The following CERKL variants were observed in gnomAD, a reference collection of about 807,000 sequenced individuals.
CERKL encodes the protein CERK like autophagy regulator.
In CERKL, 61 loss-of-function variants were observed where a neutral mutation model predicts 63.4. That is an observed-to-expected ratio of 0.96 (90% confidence interval 0.78 to 1.19). CERKL has a LOEUF of 1.19. CERKL is among the 50% of genes most tolerant of loss of function. The pLI is 0.00. For synonymous variants in CERKL, 250 were observed against 230.5 expected (o/e 1.08, Z -0.77); for missense variants, 675 against 655.5 (o/e 1.03, Z -0.33).
Position 181,583,082 on chromosome 2 carries a change from G to A in CERKL, c.482-9198C>T, listed in dbSNP as rs141722943. On this transcript the variant is annotated intron_variant, in intron 2 of 12. Transcript: ENST00000410087. ...CATTTATCCTACCTTTTTAATATGC[G>A]CTATATTTCTGGGTAATCAAATAAC... Among the ~76,000 whole-genome samples the A allele has an allele frequency of 7.3e-3, 1,104 of 151,178 alleles. 14 individuals are homozygous for A. The highest frequency in any genetic ancestry group is 0.024 in the African/African-American group (1,005 of 41,090).
chr2:181,537,822 T>G lies in CERKL; in HGVS notation c.*362A>C, dbSNP rs1032417998. The G allele has an allele frequency of 2.3e-5, 11 of 478,422 alleles. No homozygotes were observed. The highest frequency in any genetic ancestry group is 1.8e-4 in the African/African-American group (9 of 51,144). The allele number at this position is 478,422 out of a possible 1,614,324, so 29.6% of individuals were successfully genotyped here. A position where few individuals can be genotyped will look rare whatever the true frequency, so the allele number is the denominator to read the frequency against. The stretch of plus-strand genomic sequence containing the variant: ...GACTTTTAAAGCCCTAGAGGCTAAT[T>G]GTTAGTAACATCAATTTCTATTAGG... On this transcript the variant is annotated 3_prime_UTR_variant, in exon 13 of 13. Coordinates refer to ENST00000410087, the MANE Select transcript of CERKL (RefSeq NM_201548.5).
intron 2 of CERKL, chr2:181,603,158 A>G (rs1187075282): frequency 8.0e-6 from 2 of 249,336 alleles, no homozygotes; most frequent in Non-Finnish European, 8.6e-6. Flanking sequence ...ACCAGAGTAT[A>G]AAGCATGGCC....
intron 5 of CERKL, among the ~76,000 whole-genome samples, chr2:181,552,549 C>T (rs548021186): frequency 6.6e-6 from 1 of 152,178 alleles, no homozygotes; most frequent in Non-Finnish European, 1.5e-5. Flanking sequence ...AACTGCAAGT[C>T]AATTAAACCT....
chr2:181,624,906 A>T (rs191175247), intron 1 of CERKL, among the ~76,000 whole-genome samples: 225 of 152,262 alleles, frequency 1.5e-3, no homozygotes, highest in African/African-American at 5.0e-3. Flanking sequence ...AGTTTATTAG[A>T]CCTCTAATAT....
chr2:181,621,699 T>A (rs1574507262), intron 1 of CERKL, among the ~76,000 whole-genome samples: 1 of 152,254 alleles, frequency 6.6e-6, no homozygotes, highest in Non-Finnish European at 1.5e-5. Context: ...ATGAGAAAAT[T>A]TTGGAGAAAA....
Position 181,537,788 on chromosome 2 carries a change from T to C in CERKL, c.*396A>G. 1 of 459,148 alleles carries C rather than the reference T, an allele frequency of 2.2e-6. No homozygotes were observed. Among genetic ancestry groups the C allele is most frequent in the South Asian group, 1.6e-5 (1 of 63,508 alleles). The allele number at this position is 459,148 out of a possible 1,614,324, so 28.4% of individuals were successfully genotyped here. ...TCTAAAAACAGAATTTGAATTGATATTTCATCTTGACTTTTAAAGCCCTAG... is the reference window on the plus strand; with the variant it reads ...TCTAAAAACAGAATTTGAATTGATACTTCATCTTGACTTTTAAAGCCCTAG... On this transcript the variant is annotated 3_prime_UTR_variant, in exon 13 of 13. Transcript: ENST00000410087.
chr2:181,581,342 G>C (rs1684501673), intron 2 of CERKL, among the ~76,000 whole-genome samples: 1 of 152,138 alleles, frequency 6.6e-6, no homozygotes, highest in Non-Finnish European at 1.5e-5. Context: ...TGAAGTAAAA[G>C]ACAACACTTC....
intron 12 of CERKL, 60 bp downstream of exon 12, chr2:181,539,032 G>A (rs139671261): frequency 4.0e-4 from 486 of 1,226,802 alleles, no homozygotes; most frequent in African/African-American, 3.1e-3. Flanking sequence ...GAGAGCTTTC[G>A]TTGTAATATT....
intron 1 of CERKL, among the ~76,000 whole-genome samples, chr2:181,616,557 A>C (rs1202424754): frequency 6.6e-6 from 1 of 152,174 alleles, no homozygotes; most frequent in African/African-American, 2.4e-5. Flanking sequence ...TAAAAATGCT[A>C]ATCTTTAATA....
At chr2:181,556,362 A>G (rs1313851479) in intron 5 of CERKL, among the ~76,000 whole-genome samples, 1 of 152,026 alleles carries the variant, frequency 6.6e-6, no homozygotes, top group South Asian at 2.1e-4. Flanking sequence ...CATTTACATT[A>G]GGTATTTCTC....
At chr2:181,616,299 C>T (rs966752950) in intron 1 of CERKL, among the ~76,000 whole-genome samples, 6 of 147,736 alleles carry the variant, frequency 4.1e-5, no homozygotes, top group African/African-American at 1.6e-4. Flanking sequence ...CTGCAAGCTC[C>T]GCCTCCCAGG....
intron 10 of CERKL, 79 bp downstream of exon 10, chr2:181,547,539 C>G (rs1432362212): frequency 1.8e-6 from 2 of 1,106,338 alleles, no homozygotes; most frequent in African/African-American, 3.1e-5. Flanking sequence ...TTCTAGCTAA[C>G]CAACAGTTAA....
intron 8 of CERKL, 167 bp downstream of exon 8, chr2:181,548,378 A>G: frequency 1.6e-6 from 1 of 622,486 alleles, no homozygotes; most frequent in Non-Finnish European, 2.8e-6. Flanking sequence ...AAAAAGGCTG[A>G]GTGAGTAGTT....
At chr2:181,541,704 A>G (rs1432622948) in intron 11 of CERKL, among the ~76,000 whole-genome samples, 3 of 152,246 alleles carry the variant, frequency 2.0e-5, no homozygotes, top group Admixed American at 1.3e-4. Context: ...TAAAGTTTGA[A>G]TTAAGGTGAG....
rs1483812619 is a variant in CERKL, at chr2:181,537,318, A to G, written c.*866T>C. On this transcript the variant is annotated 3_prime_UTR_variant, in exon 13 of 13. Coordinates refer to ENST00000410087, the MANE Select transcript of CERKL (RefSeq NM_201548.5). ...TTTCAGGTTATCTGAGCACAGTGAA[A>G]GCAGAGTACTATGGTTGTCCAACAC... 2.2e-6 allele frequency: 1 copy of G among 453,838 alleles called. No homozygotes were observed. Among genetic ancestry groups the G allele is most frequent in the Non-Finnish European group, 4.4e-6 (1 of 226,730 alleles). 28.1% of individuals were successfully genotyped at this position (453,838 alleles called of 1,614,324 possible).
At chr2:181,571,325 A>C (rs951988588) in intron 3 of CERKL, among the ~76,000 whole-genome samples, 1 of 152,264 alleles carries the variant, frequency 6.6e-6, no homozygotes, top group South Asian at 2.1e-4. Flanking sequence ...GCTTTACGGA[A>C]TATTCTATTG....
At chr2:181,652,662 TAAC>T (rs766721381) in intron 1 of CERKL, among the ~76,000 whole-genome samples, 188 of 152,122 alleles carry the variant, frequency 1.2e-3, no homozygotes, top group Non-Finnish European at 1.7e-3. Context: ...AGAAAACTAT[TAAC>T]AAAGTGAAAA....
At position 181,537,298 on chromosome 2, in the gene CERKL, G is replaced by A. The variant is rs1369048918; in HGVS notation, c.*886C>T. The A allele has an allele frequency of 2.2e-6, 1 of 453,702 alleles. No homozygotes were observed. Among genetic ancestry groups the A allele is most frequent in the Non-Finnish European group, 4.4e-6 (1 of 226,556 alleles). 28.1% of individuals were successfully genotyped at this position (453,702 alleles called of 1,614,324 possible). ...TACTCAGAAACAACTATATATTTCAGGTTATCTGAGCACAGTGAAAGCAGA... is the reference window on the plus strand; with the variant it reads ...TACTCAGAAACAACTATATATTTCAAGTTATCTGAGCACAGTGAAAGCAGA... On this transcript the variant is annotated 3_prime_UTR_variant, in exon 13 of 13. Transcript: ENST00000410087.
At position 181,648,012 on chromosome 2, in the gene CERKL, T is replaced by C. The variant is rs575432059; in HGVS notation, c.238+8757A>G. On this transcript the variant is annotated intron_variant, in intron 1 of 12. Transcript: ENST00000410087. The stretch of plus-strand genomic sequence containing the variant: ...AATTTCAAAATCTGAAAATAGGTTT[T>C]GTGAAATAACCCAAAGTTTAAAAAA... 6.6e-5 allele frequency among the ~76,000 whole-genome samples: 10 copies of C among 152,226 alleles called. No individual in the cohort carries two copies. The South Asian group carries it at 2.1e-3, about 32-fold the overall frequency.
Sources: gnomAD v4.1 joint callset for allele counts (sites outside exome capture counted in the v4.1 genomes callset) on GRCh38, gnomAD v4.1.1 for gene constraint, MANE v1.5 for transcripts, NCBI Gene and HGNC (gene_info 2026-07-23, HGNC 2026-07-21) for gene names.